The following MYH11 variants were observed in gnomAD, a reference collection of about 807,000 sequenced individuals.
The protein encoded by MYH11 is myosin-11.
A neutral mutation model predicts 246.6 loss-of-function variants in MYH11; 80 were observed. That is an observed-to-expected ratio of 0.32 (90% CI 0.27 to 0.39). MYH11 has a LOEUF of 0.39. Among genes scored for constraint, MYH11 ranks in the 10% least tolerant of loss-of-function variants. MYH11 has a pLI of 1.00. For missense variants in MYH11, 2,158 were observed against 2,546.8 expected, an observed-to-expected ratio of 0.85 and a Z score of 3.29; for synonymous variants, 1,071 against 1,015.5, an observed-to-expected ratio of 1.05 and a Z score of -1.04.
At chr16:15,760,680 C>A in intron 10 of MYH11, 22 bp from the exon 11 acceptor site, 1 of 1,458,022 alleles carries the variant, frequency 6.9e-7, no homozygotes, top group Non-Finnish European at 9.6e-7. Flanking sequence ...AAAGAAACAT[C>A]GTGAGTGCAT....
chr16:15,796,682 G>A (rs182167444), intron 4 of MYH11, among the ~76,000 whole-genome samples: 1 of 152,170 alleles, frequency 6.6e-6, no homozygotes, highest in Non-Finnish European at 1.5e-5. Context: ...TGAGGAGACT[G>A]TCTTGGATCA....
Position 15,718,358 on chromosome 16 carries a change from T to A in MYH11, c.5252A>T (p.Asn1751Ile), listed in dbSNP as rs149245873. Residue 1751 changes from asparagine to isoleucine, a missense_variant, in exon 37 of 41, where the codon AAC (asparagine) becomes ATC (isoleucine). This residue lies in a region of MYH11 where 1,013 missense variants were observed against 993.5 expected (regional missense o/e 1.02). Transcript: ENST00000300036. ...LEEELEEEQG[N>I]MEAMSDRVRK... ...GACCCGGTCGCTCATGGCCTCCATG[T>A]TGCCCTGCTCCTCCTCCAGCTCCTC... 6.2e-7 allele frequency: 1 copy of A among 1,608,666 alleles called. No homozygotes were observed. The highest frequency in any genetic ancestry group is 8.5e-7 in the Non-Finnish European group (1 of 1,179,666).
rs2306860 is a variant in MYH11, at chr16:15,856,902, G to C, written c.-18+39C>G. ...CCTATAGGACTTTTAACACCCCCCT[G>C]CCCTGCAATCTGCCCCCAGAATGAC... On this transcript the variant is annotated intron_variant, in intron 1 of 40. Coordinates refer to ENST00000300036, the MANE Select transcript of MYH11 (RefSeq NM_002474.3). 65,518 of 151,276 alleles carry C rather than the reference G, an allele frequency of 0.43. 14,302 individuals are homozygous for C. Among genetic ancestry groups the C allele is most frequent in the East Asian group, 0.6 (3,068 of 5,112 alleles). 9.4% of individuals were successfully genotyped at this position (151,276 alleles called of 1,614,324 possible).
Position 15,778,977 on chromosome 16 carries a change from C to T in MYH11, c.727-134G>A, listed in dbSNP as rs748692478. 1.8e-4 allele frequency: 156 copies of T among 851,908 alleles called. 2 individuals carry two copies. Among genetic ancestry groups the T allele is most frequent in the Non-Finnish European group, 2.8e-4 (140 of 503,514 alleles). The allele number at this position is 851,908 out of a possible 1,614,324, so 52.8% of individuals were successfully genotyped here. A position where few individuals can be genotyped will look rare whatever the true frequency, so the allele number is the denominator to read the frequency against. On this transcript the variant is annotated intron_variant, in intron 6 of 40. Coordinates refer to ENST00000300036, the MANE Select transcript of MYH11 (RefSeq NM_002474.3). ...GGAGATTCTTGCGAACACTCAGAACCCCACAGGTCAAGTTGTCAGGCGGAA... is the reference window on the plus strand; with the variant it reads ...GGAGATTCTTGCGAACACTCAGAACTCCACAGGTCAAGTTGTCAGGCGGAA...
chr16:15,791,425 C>T (rs530804369), intron 4 of MYH11: 16 of 152,274 alleles, frequency 1.1e-4, no homozygotes, highest in African/African-American at 3.6e-4. Flanking sequence ...ACTGGCAAAG[C>T]ACCCTGGCAT....
intron 31 of MYH11, 68 bp from the exon 32 acceptor site, chr16:15,721,702 C>T (rs968946577): frequency 1.7e-5 from 26 of 1,530,926 alleles, no homozygotes; most frequent in Middle Eastern, 3.4e-4. Flanking sequence ...TTGTAAATAC[C>T]GGGGGAAGCC....
Position 15,704,121 on chromosome 16 carries a change from C to CGAA in MYH11, c.5788_5789insTTC (p.Arg1929_Arg1930insLeu), listed in dbSNP as rs764285909. The stretch of plus-strand genomic sequence containing the variant: ...AGGAACGAAAGAGGTCTCGTTTCCT[C>CGAA]GCCTGTGGGTTGTAAGAAAACACAT... On this transcript the variant is annotated inframe_insertion and splice_region_variant, in exon 41 of 41. Transcript: ENST00000300036. 2.0e-5 allele frequency: 32 copies of CGAA among 1,613,994 alleles called. No individual in the cohort carries two copies. In the African/African-American group the frequency reaches 4.0e-4, roughly 20 times the overall value.
At chr16:15,815,935 T>TAAA (rs1457999098) in intron 3 of MYH11, among the ~76,000 whole-genome samples, 2 of 150,408 alleles carry the variant, frequency 1.3e-5, no homozygotes, top group African/African-American at 4.9e-5. Flanking sequence ...ACAAATGCCT[T>TAAA]AAAAAGCTCA....
chr16:15,718,365 G>A lies in MYH11; in HGVS notation c.5245C>T (p.Gln1749Ter). ...TCGCTCATGGCCTCCATGTTGCCCTGCTCCTCCTCCAGCTCCTCCTCCAGC... is the reference window on the plus strand; with the variant it reads ...TCGCTCATGGCCTCCATGTTGCCCTACTCCTCCTCCAGCTCCTCCTCCAGC... ...AQLEEELEEEQGNMEAMSDRV... is the reference protein window; with the variant it reads ...AQLEEELEEE The change falls in exon 37 of 41, where the codon CAG becomes TAG. Residue 1749 changes from glutamine (Q) to a stop codon, truncating the protein, a stop_gained. Transcript: ENST00000300036. LOFTEE classifies it high-confidence loss of function. 1 of 1,607,928 alleles carries A rather than the reference G, an allele frequency of 6.2e-7. No homozygotes were observed. The highest frequency in any genetic ancestry group is 8.5e-7 in the Non-Finnish European group (1 of 1,179,370).
intron 2 of MYH11, among the ~76,000 whole-genome samples, chr16:15,825,495 A>T (rs216162): frequency 0.51 from 77,690 of 151,746 alleles, 22,277 homozygotes; most frequent in African/African-American, 0.79. Flanking sequence ...AGCTCAAGGT[A>T]ATAGTGAGCT....
chr16:15,826,982 G>A (rs954118824), intron 2 of MYH11, among the ~76,000 whole-genome samples: 1 of 139,510 alleles, frequency 7.2e-6, no homozygotes, highest in African/African-American at 2.8e-5. Context: ...GGGTGACAGA[G>A]GGAGAACCCA....
chr16:15,816,171 C>A (rs1233610569), intron 3 of MYH11, among the ~76,000 whole-genome samples: 1 of 152,056 alleles, frequency 6.6e-6, no homozygotes, highest in Non-Finnish European at 1.5e-5. Context: ...AACTGGGAAA[C>A]AAGGAATCCA....
Position 15,741,745 on chromosome 16 carries a change from C to T in MYH11, c.2652+15G>A, listed in dbSNP as rs760881324. 8 of 1,614,178 alleles carry T rather than the reference C, an allele frequency of 5.0e-6. No homozygotes were observed. The South Asian group carries it at 5.5e-5, about 11-fold the overall frequency. ...CTGTTCCCCAGCAACCCCAGCCATGCATCCATACAGGTACCTGCGAGTGCT... is the reference window on the plus strand; with the variant it reads ...CTGTTCCCCAGCAACCCCAGCCATGTATCCATACAGGTACCTGCGAGTGCT... On this transcript the variant is annotated intron_variant, in intron 21 of 40. Coordinates refer to ENST00000300036, the MANE Select transcript of MYH11 (RefSeq NM_002474.3).
chr16:15,796,548 A>C (rs1449792676), intron 4 of MYH11, among the ~76,000 whole-genome samples: 1 of 152,194 alleles, frequency 6.6e-6, no homozygotes, highest in Non-Finnish European at 1.5e-5. Context: ...TGGGGAGATG[A>C]CATGTGGCTC....
chr16:15,798,647 C>T lies in MYH11; in HGVS notation c.530+13G>A. The T allele has an allele frequency of 6.5e-7, 1 of 1,529,200 alleles. No individual in the cohort carries two copies. The allele number at this position is 1,529,200 out of a possible 1,614,324, so 94.7% of individuals were successfully genotyped here. A position where few individuals can be genotyped will look rare whatever the true frequency, so the allele number is the denominator to read the frequency against. ...AACAAAAAAAAAACAGAAGAAAAAG[C>T]AGTTCCACTTACGTGCATAGAATGG... On this transcript the variant is annotated intron_variant, in intron 4 of 40. Transcript: ENST00000300036.
intron 31 of MYH11, among the ~76,000 whole-genome samples, chr16:15,723,868 C>T (rs1405855070): frequency 6.6e-6 from 1 of 152,132 alleles, no homozygotes; most frequent in Non-Finnish European, 1.5e-5. Context: ...TAAATAAGCA[C>T]CTCATTCCTT....
chr16:15,831,363 CTAGA>C (rs1256941428), intron 2 of MYH11, among the ~76,000 whole-genome samples: 1 of 151,558 alleles, frequency 6.6e-6, no homozygotes, highest in Non-Finnish European at 1.5e-5. Context: ...TGAAGTCTGA[CTAGA>C]TAGTTATGAA....
intron 3 of MYH11, among the ~76,000 whole-genome samples, chr16:15,799,016 T>C (rs2042819853): frequency 1.3e-5 from 2 of 152,222 alleles, no homozygotes; most frequent in South Asian, 2.1e-4. Context: ...ACGCAGATGT[T>C]GGATCTATAC....
intron 1 of MYH11, among the ~76,000 whole-genome samples, chr16:15,839,332 G>A (rs950221613): frequency 3.3e-5 from 5 of 152,090 alleles, no homozygotes; most frequent in Non-Finnish European, 5.9e-5. Context: ...AAGGCCACAC[G>A]CTCTATTACT....
Sources: gnomAD v4.1 joint callset for allele counts (sites outside exome capture counted in the v4.1 genomes callset) on GRCh38, gnomAD v4.1.1 for gene constraint, gnomAD v4.1.1 regional missense constraint, MANE v1.5 for transcripts, NCBI Gene and HGNC (gene_info 2026-07-23, HGNC 2026-07-21) for gene names.